OPALIN: variants seen among roughly 807,000 people sequenced by gnomAD.
OPALIN encodes oligodendrocytic myelin paranodal and inner loop protein, also known as transmembrane protein 10.
A neutral mutation model predicts 17.8 loss-of-function variants in OPALIN; 15 were observed. The ratio of observed to expected loss-of-function variants is 0.84; its 90% confidence interval spans 0.56 to 1.29. The LOEUF is 1.29. Among genes scored for constraint, OPALIN ranks in the 50% most tolerant of loss-of-function variants. OPALIN has a pLI of 0.00. For missense variants in OPALIN, 170 were observed against 176.0 expected, an observed-to-expected ratio of 0.97 and a Z score of 0.19; for synonymous variants, 62 against 63.8, an observed-to-expected ratio of 0.97 and a Z score of 0.14.
rs1350136923 is a variant in OPALIN at position 96,358,934 on chromosome 10, C to G, written c.-38G>C. ...CCCAGGAACCTTCTTCGTACACTGCCTTTGGTAAGCTCCTTTCTCACTGGC... is the reference window on the plus strand; with the variant it reads ...CCCAGGAACCTTCTTCGTACACTGCGTTTGGTAAGCTCCTTTCTCACTGGC... On this transcript the variant is annotated 5_prime_UTR_variant, in exon 1 of 6. Coordinates refer to ENST00000371172, the MANE Select transcript of OPALIN (RefSeq NM_033207.5). 1.2e-6 allele frequency: 2 copies of G among 1,611,778 alleles called. No individual in the cohort carries two copies. Among genetic ancestry groups the G allele is most frequent in the Non-Finnish European group, 1.7e-6 (2 of 1,178,014 alleles).
At chr10:96,351,263 A>C (rs1399172665) in intron 3 of OPALIN, 115 bp downstream of exon 3, 1 of 695,188 alleles carries the variant, frequency 1.4e-6, no homozygotes, top group Non-Finnish European at 2.5e-6. Context: ...TTCTTGAGCC[A>C]GATTCTGTGC....
chr10:96,346,617 T>A (rs1845340927), intron 5 of OPALIN, among the ~76,000 whole-genome samples: 1 of 152,214 alleles, frequency 6.6e-6, no homozygotes, highest in Admixed American at 6.5e-5. Flanking sequence ...CTGTTTGTTG[T>A]GTCTTTTTAA....
chr10:96,345,978 C>G lies in OPALIN; in HGVS notation c.389G>C (p.Gly130Ala), dbSNP rs770990264. The G allele has an allele frequency of 1.2e-6, 2 of 1,614,082 alleles. No homozygotes were observed. Among genetic ancestry groups the G allele is most frequent in the Non-Finnish European group, 1.7e-6 (2 of 1,179,942 alleles). The part of the protein sequence containing the change: ...RPTIEMERRR[G>A]LWWLVPRLSL... Reference sequence around the variant, plus strand: ...CAGTCTGGGCACAAGCCACCACAATCCCCTCCTTCTTTCCATTTCTATAGT... The same window carrying G: ...CAGTCTGGGCACAAGCCACCACAATGCCCTCCTTCTTTCCATTTCTATAGT... Residue 130 changes from glycine to alanine, a missense_variant, in exon 6 of 6, where the codon GGA becomes GCA. By Grantham distance (60) the Gly-to-Ala change is moderately conservative. Transcript: ENST00000371172.
At position 96,345,916 on chromosome 10, in the gene OPALIN, T is replaced by A; in HGVS notation, c.*25A>T. ...TTTTCAACCCTGTTCCAGTGCCAGGTCTGCTGCTCCTTGACTGAGCTGCAT... is the reference window on the plus strand; with the variant it reads ...TTTTCAACCCTGTTCCAGTGCCAGGACTGCTGCTCCTTGACTGAGCTGCAT... On this transcript the variant is annotated 3_prime_UTR_variant, in exon 6 of 6. Transcript: ENST00000371172. 4 of 1,610,030 alleles carry A rather than the reference T, an allele frequency of 2.5e-6. No individual in the cohort carries two copies. The highest frequency in any genetic ancestry group is 3.4e-6 in the Non-Finnish European group (4 of 1,177,340).
In OPALIN at chr10:96,354,859, G is replaced by T. The variant is rs569945320; in HGVS notation, c.39+396C>A. The stretch of plus-strand genomic sequence containing the variant: ...ACCTATAATCCCAGCACTTTGGGAG[G>T]CTGAGGTGGGCGGATCACCTGAGGT... On this transcript the variant is annotated intron_variant, in intron 2 of 5. Coordinates refer to ENST00000371172, the MANE Select transcript of OPALIN (RefSeq NM_033207.5). Among the ~76,000 whole-genome samples the T allele has an allele frequency of 2.7e-5, 4 of 150,590 alleles. No homozygotes were observed. In the East Asian group the frequency reaches 7.7e-4, roughly 29 times the overall value.
chr10:96,348,284 CT>C lies in OPALIN; in HGVS notation c.249+4del. 6.7e-7 allele frequency: 1 copy of C among 1,495,130 alleles called. No homozygotes were observed. Among genetic ancestry groups the C allele is most frequent in the Non-Finnish European group, 9.3e-7 (1 of 1,076,028 alleles). The allele number at this position is 1,495,130 out of a possible 1,614,324, so 92.6% of individuals were successfully genotyped here. A position where few individuals can be genotyped will look rare whatever the true frequency, so the allele number is the denominator to read the frequency against. On this transcript the variant is annotated splice_donor_region_variant and intron_variant, in intron 5 of 5. Transcript: ENST00000371172. The stretch of plus-strand genomic sequence containing the variant: ...TATATAGAGAGTATAACCAAGAGTT[CT>C]TACCTCAGATATCTTGGGATTGTCA...
chr10:96,345,648 C>T lies in OPALIN; in HGVS notation c.*293G>A, dbSNP rs540300509. 2 of 314,208 alleles carry T rather than the reference C, an allele frequency of 6.4e-6. No individual in the cohort carries two copies. The highest frequency in any genetic ancestry group is 1.2e-5 in the Non-Finnish European group (2 of 173,072). The allele number at this position is 314,208 out of a possible 1,614,324, so 19.5% of individuals were successfully genotyped here. The stretch of plus-strand genomic sequence containing the variant: ...GAAGGCAAGACACTCAGAAACCAAG[C>T]CCCTTTCCCAAAATGACAAAGAAAA... On this transcript the variant is annotated 3_prime_UTR_variant, in exon 6 of 6. Transcript: ENST00000371172.
At chr10:96,355,454 G>A (rs906930494) in intron 1 of OPALIN, among the ~76,000 whole-genome samples, 164 bp from the exon 2 acceptor site, 2 of 152,046 alleles carry the variant, frequency 1.3e-5, no homozygotes, top group Non-Finnish European at 2.9e-5. Context: ...AGAAGGAAGG[G>A]GAGGCAAGGA....
In OPALIN at chr10:96,356,824, C is replaced by T. The variant is rs1447153119; in HGVS notation, c.4-1534G>A. 1.5e-5 allele frequency: 14 copies of T among 940,970 alleles called. No individual in the cohort carries two copies. The Admixed American group carries it at 7.4e-4, about 50-fold the overall frequency. 58.3% of individuals were successfully genotyped at this position (940,970 alleles called of 1,614,324 possible). Reference sequence around the variant, plus strand: ...ACTTCTCCCCCTCTTGGCAATAGGACACCCGCATTTTATAGAGAATAACCA... The same window carrying T: ...ACTTCTCCCCCTCTTGGCAATAGGATACCCGCATTTTATAGAGAATAACCA... On this transcript the variant is annotated intron_variant, in intron 1 of 5. Coordinates refer to ENST00000371172, the MANE Select transcript of OPALIN (RefSeq NM_033207.5).
chr10:96,356,650 A>G (rs1336770077), intron 1 of OPALIN, among the ~76,000 whole-genome samples: 1 of 152,230 alleles, frequency 6.6e-6, no homozygotes, highest in Non-Finnish European at 1.5e-5. Flanking sequence ...TGGAATTCAG[A>G]TGGGTTAATG....
intron 2 of OPALIN, among the ~76,000 whole-genome samples, chr10:96,353,982 G>A (rs1412857308): frequency 5.9e-5 from 9 of 152,116 alleles, no homozygotes; most frequent in Admixed American, 5.9e-4. Context: ...AAGTCACAAT[G>A]TTCTAACTTT....
chr10:96,355,782 T>C (rs952248949), intron 1 of OPALIN, among the ~76,000 whole-genome samples: 1 of 152,154 alleles, frequency 6.6e-6, no homozygotes, highest in Non-Finnish European at 1.5e-5. Flanking sequence ...AAGGCTTCTG[T>C]TTTTGCTACA....
chr10:96,347,818 A>G (rs544760779), intron 5 of OPALIN, among the ~76,000 whole-genome samples: 1 of 152,226 alleles, frequency 6.6e-6, no homozygotes, highest in African/African-American at 2.4e-5. Context: ...ACTAGGATCT[A>G]AAGTATAATA....
At chr10:96,353,976 C>T (rs1359780465) in intron 2 of OPALIN, among the ~76,000 whole-genome samples, 1 of 152,118 alleles carries the variant, frequency 6.6e-6, no homozygotes, top group Non-Finnish European at 1.5e-5. Flanking sequence ...AGCAATAAGT[C>T]ACAATGTTCT....
chr10:96,346,665 A>G (rs1845343393), intron 5 of OPALIN, among the ~76,000 whole-genome samples: 1 of 152,100 alleles, frequency 6.6e-6, no homozygotes, highest in African/African-American at 2.4e-5. Flanking sequence ...TTTTAGAAGA[A>G]CCTCATTAAG....
At position 96,345,180 on chromosome 10, in the gene OPALIN, G is replaced by T. The variant is rs1316524805; in HGVS notation, c.*761C>A. 2 of 152,244 alleles carry T rather than the reference G, an allele frequency of 1.3e-5. No homozygotes were observed. The highest frequency in any genetic ancestry group is 4.8e-5 in the African/African-American group (2 of 41,456). 9.4% of individuals were successfully genotyped at this position (152,244 alleles called of 1,614,324 possible). On this transcript the variant is annotated 3_prime_UTR_variant, in exon 6 of 6. Coordinates refer to ENST00000371172, the MANE Select transcript of OPALIN (RefSeq NM_033207.5). ...CAAGCAATATGGGAAGAGGTAGGAA[G>T]AAGGTGGTAGAGAGAGAGAACTAAC...
intron 4 of OPALIN, 103 bp downstream of exon 4, chr10:96,349,604 A>T: frequency 1.5e-6 from 2 of 1,321,098 alleles, no homozygotes; most frequent in Non-Finnish European, 2.1e-6. Context: ...GTCCTCAGGA[A>T]ATAGACATGG....
intron 1 of OPALIN, among the ~76,000 whole-genome samples, chr10:96,355,896 C>T (rs1052831976): frequency 6.6e-6 from 1 of 152,194 alleles, no homozygotes; most frequent in Non-Finnish European, 1.5e-5. Context: ...GGTCTCACCT[C>T]TCCCGCAAAT....
In OPALIN at chr10:96,345,942, C is replaced by G. The variant is rs867308282; in HGVS notation, c.425G>C (p.Ter142SerextTer47). ...CTGCTGCTCCTTGACTGAGCTGCATCATTCCAGGCTCAGTCTGGGCACAAG... is the reference window on the plus strand; with the variant it reads ...CTGCTGCTCCTTGACTGAGCTGCATGATTCCAGGCTCAGTCTGGGCACAAG... The part of the protein sequence containing the change: ...WWLVPRLSLE[*>S] The change falls in exon 6 of 6, where the codon TGA (stop) becomes TCA (serine). Residue 142 changes from the stop codon to serine, a stop_lost. Transcript: ENST00000371172. 4 of 1,613,938 alleles carry G rather than the reference C, an allele frequency of 2.5e-6. No individual in the cohort carries two copies. In the South Asian group the frequency reaches 3.3e-5, roughly 13 times the overall value.
Sources: gnomAD v4.1 joint callset for allele counts (sites outside exome capture counted in the v4.1 genomes callset) on GRCh38, gnomAD v4.1.1 for gene constraint, MANE v1.5 for transcripts, NCBI Gene and HGNC (gene_info 2026-07-23, HGNC 2026-07-21) for gene names.